Variants in IMMP2L observed in about 807,000 individuals in gnomAD.
IMMP2L encodes inner mitochondrial membrane peptidase subunit 2.
A neutral mutation model predicts 19.3 loss-of-function variants in IMMP2L; 18 were observed. The observed-to-expected ratio is 0.93, with a 90% CI of 0.64 to 1.38. The LOEUF (loss-of-function observed/expected upper bound fraction) is 1.38. Among genes scored for constraint, IMMP2L ranks in the 40% most tolerant of loss-of-function variants. The probability of loss-of-function intolerance (pLI) is 0.00; values close to 1 mark genes in which losing one functional copy is unlikely to be tolerated. For missense variants in IMMP2L, 233 were observed against 218.2 expected, an observed-to-expected ratio of 1.07 and a Z score of -0.43; for synonymous variants, 76 against 73.0, an observed-to-expected ratio of 1.04 and a Z score of -0.21.
intron 5 of IMMP2L, among the ~76,000 whole-genome samples, chr7:110,855,836 G>T (rs1190725676): frequency 2.0e-5 from 3 of 151,860 alleles, no homozygotes; most frequent in Non-Finnish European, 4.4e-5. Context: ...CTTAAACTTA[G>T]ACAGGTACTT....
chr7:111,129,744 G>C (rs780789107), intron 3 of IMMP2L, among the ~76,000 whole-genome samples: 14 of 152,068 alleles, frequency 9.2e-5, no homozygotes, highest in Non-Finnish European at 1.6e-4. Flanking sequence ...GAAAAGTAAG[G>C]ACTTGAGTGT....
At chr7:111,119,503 CT>C (rs1465348694) in intron 3 of IMMP2L, among the ~76,000 whole-genome samples, 6 of 152,294 alleles carry the variant, frequency 3.9e-5, no homozygotes, top group Non-Finnish European at 8.8e-5. Flanking sequence ...AATAGATTAA[CT>C]TTTCTCTTAA....
chr7:111,019,730 G>C (rs1012617069), intron 3 of IMMP2L, among the ~76,000 whole-genome samples: 3 of 152,148 alleles, frequency 2.0e-5, no homozygotes, highest in Admixed American at 6.5e-5. Context: ...GCTAATGCCA[G>C]TGCCTTTGGA....
At chr7:111,381,075 G>C (rs1325589900) in intron 3 of IMMP2L, among the ~76,000 whole-genome samples, 1 of 151,974 alleles carries the variant, frequency 6.6e-6, no homozygotes, top group Non-Finnish European at 1.5e-5. Flanking sequence ...CCATCAACAA[G>C]TGCTGAAACA....
chr7:111,101,751 C>T (rs1469447966), intron 3 of IMMP2L, among the ~76,000 whole-genome samples: 1 of 151,298 alleles, frequency 6.6e-6, no homozygotes, highest in Non-Finnish European at 1.5e-5. Context: ...TTTAAGGGAC[C>T]TGACTGGGAC....
chr7:110,774,100 A>G (rs1799222767), intron 5 of IMMP2L, among the ~76,000 whole-genome samples: 1 of 152,100 alleles, frequency 6.6e-6, no homozygotes, highest in Non-Finnish European at 1.5e-5. Context: ...TAAGGGTGCC[A>G]CATTAAAATA....
chr7:111,184,465 A>G (rs1808053876), intron 3 of IMMP2L, among the ~76,000 whole-genome samples: 1 of 152,060 alleles, frequency 6.6e-6, no homozygotes, highest in Non-Finnish European at 1.5e-5. Context: ...TCTATTAAAC[A>G]AGGATGCAAT....
At chr7:110,699,752 A>C (rs1002426055) in intron 5 of IMMP2L, among the ~76,000 whole-genome samples, 1 of 127,494 alleles carries the variant, frequency 7.8e-6, no homozygotes, top group African/African-American at 3.1e-5. Flanking sequence ...TGGGTGACTG[A>C]GACTCTACCT....
intron 3 of IMMP2L, among the ~76,000 whole-genome samples, chr7:111,237,342 T>A (rs1273815719): frequency 6.6e-6 from 1 of 152,082 alleles, no homozygotes; most frequent in Non-Finnish European, 1.5e-5. Context: ...AATTGTGTAT[T>A]GTGTCCTGTT....
intron 3 of IMMP2L, among the ~76,000 whole-genome samples, chr7:111,055,322 C>T (rs569984830): frequency 2.0e-5 from 3 of 152,232 alleles, no homozygotes; most frequent in South Asian, 4.1e-4. Flanking sequence ...AGATTATAGG[C>T]GTGAGCCACC....
At chr7:111,331,658 C>A (rs961048447) in intron 3 of IMMP2L, among the ~76,000 whole-genome samples, 2 of 151,836 alleles carry the variant, frequency 1.3e-5, no homozygotes, top group African/African-American at 2.4e-5. Flanking sequence ...GATCATACAT[C>A]ACTTTATACT....
chr7:111,036,725 C>G (rs1008321869), intron 3 of IMMP2L, among the ~76,000 whole-genome samples: 2 of 152,040 alleles, frequency 1.3e-5, no homozygotes, highest in South Asian at 4.1e-4. Context: ...CTGTTGAATT[C>G]TATCATATAT....
chr7:111,140,533 T>C (rs1802775322), intron 3 of IMMP2L, among the ~76,000 whole-genome samples: 1 of 152,180 alleles, frequency 6.6e-6, no homozygotes, highest in South Asian at 2.1e-4. Flanking sequence ...TCATATTCAC[T>C]GTTGAATAAA....
intron 5 of IMMP2L, among the ~76,000 whole-genome samples, chr7:110,846,768 A>G (rs1362011560): frequency 6.6e-6 from 1 of 152,144 alleles, no homozygotes. Context: ...GGACATAGAC[A>G]TTCTTAATAT....
At chr7:111,376,061 T>C (rs1047143370) in intron 3 of IMMP2L, among the ~76,000 whole-genome samples, 1 of 152,112 alleles carries the variant, frequency 6.6e-6, no homozygotes, top group African/African-American at 2.4e-5. Context: ...TCTGTGACCT[T>C]GAACAAATAA....
intron 3 of IMMP2L, among the ~76,000 whole-genome samples, chr7:111,064,126 G>A (rs111666287): frequency 5.3e-5 from 8 of 152,306 alleles, no homozygotes; most frequent in East Asian, 1.9e-4. Context: ...ACAGCTCCAC[G>A]TGGCTGTGGA....
chr7:110,904,592 G>A (rs1043204451), intron 4 of IMMP2L, among the ~76,000 whole-genome samples: 1 of 152,140 alleles, frequency 6.6e-6, no homozygotes, highest in Non-Finnish European at 1.5e-5. Flanking sequence ...GTTCTGATTT[G>A]TTCTATTCCT....
intron 1 of IMMP2L, among the ~76,000 whole-genome samples, chr7:111,543,846 G>A (rs1390480442): frequency 6.6e-6 from 1 of 152,072 alleles, no homozygotes; most frequent in African/African-American, 2.4e-5. Context: ...AAAAGAAGCT[G>A]AACAGAAAAT....
chr7:111,010,242 TTAAAA>T, intron 3 of IMMP2L, among the ~76,000 whole-genome samples: 1 of 152,268 alleles, frequency 6.6e-6, no homozygotes, highest in Non-Finnish European at 1.5e-5. Flanking sequence ...GACTTGCTAT[TTAAAA>T]TATAAATGCT....
Sources: allele counts gnomAD v4.1 joint callset (sites outside exome capture counted in the v4.1 genomes callset), GRCh38; gene constraint gnomAD v4.1.1; transcripts MANE v1.5; gene names NCBI Gene and HGNC (gene_info 2026-07-23, HGNC 2026-07-21).